KIF6: variants seen among roughly 807,000 people sequenced by gnomAD.
KIF6 encodes the protein kinesin family member 6, also known as kinesin-like protein KIF6.
KIF6 carries 106 observed loss-of-function variants against 112.7 expected under a neutral mutation model. The ratio of observed to expected loss-of-function variants is 0.94; its 90% CI spans 0.80 to 1.11. KIF6 has a LOEUF of 1.11. Among genes scored for constraint, KIF6 ranks in the 50% least tolerant of loss-of-function variants. The probability of loss-of-function intolerance (pLI) is 0.00; values close to 1 mark genes in which losing one functional copy is unlikely to be tolerated. For synonymous variants in KIF6, 339 were observed against 339.9 expected (o/e 1.00, Z 0.03); for missense variants, 929 against 964.0 (o/e 0.96, Z 0.48).
chr6:39,663,322 A>G (rs1403429978), intron 3 of KIF6, among the ~76,000 whole-genome samples: 1 of 152,234 alleles, frequency 6.6e-6, no homozygotes, highest in South Asian at 2.1e-4. Context: ...AACTATAAGT[A>G]TAGGACTATA....
intron 5 of KIF6, among the ~76,000 whole-genome samples, chr6:39,633,322 C>A (rs1239219354): frequency 6.6e-6 from 1 of 151,954 alleles, no homozygotes; most frequent in Non-Finnish European, 1.5e-5. Flanking sequence ...TCCATTGAAC[C>A]CTTAAGAGAG....
At chr6:39,700,371 TTCG>T (rs1788812346) in intron 3 of KIF6, among the ~76,000 whole-genome samples, 1 of 152,252 alleles carries the variant, frequency 6.6e-6, no homozygotes, top group African/African-American at 2.4e-5. Flanking sequence ...TGTAAATTAC[TTCG>T]AAATGTAAGT....
At chr6:39,658,085 C>G (rs934652236) in intron 3 of KIF6, among the ~76,000 whole-genome samples, 1 of 152,154 alleles carries the variant, frequency 6.6e-6, no homozygotes, top group Non-Finnish European at 1.5e-5. Context: ...GAAGTTATGG[C>G]TCTCATAATA....
chr6:39,455,684 T>A (rs1183407983), intron 13 of KIF6, among the ~76,000 whole-genome samples: 4 of 150,282 alleles, frequency 2.7e-5, no homozygotes, highest in Admixed American at 2.0e-4. Context: ...AAGGAGCTGA[T>A]GGAGCTGAAA....
chr6:39,516,068 TAG>T (rs1777068302), intron 13 of KIF6, among the ~76,000 whole-genome samples: 1 of 152,176 alleles, frequency 6.6e-6, no homozygotes, highest in African/African-American at 2.4e-5. Context: ...ATTTTTAAAT[TAG>T]AGATACTCAA....
intron 3 of KIF6, among the ~76,000 whole-genome samples, chr6:39,705,848 TTCCTTCGC>T: frequency 6.6e-6 from 1 of 152,266 alleles, no homozygotes; most frequent in Middle Eastern, 3.4e-3. Context: ...CTACCTTCCT[TTCCTTCGC>T]TTTCTCACTT....
intron 6 of KIF6, among the ~76,000 whole-genome samples, chr6:39,611,510 G>A (rs1359304155): frequency 1.3e-5 from 2 of 152,150 alleles, no homozygotes; most frequent in Admixed American, 1.3e-4. Context: ...AACAGGTTAA[G>A]GGCCTTTCCA....
intron 3 of KIF6, among the ~76,000 whole-genome samples, chr6:39,640,890 GTGT>G (rs1784865750): frequency 6.6e-6 from 1 of 152,138 alleles, no homozygotes; most frequent in Admixed American, 6.6e-5. Flanking sequence ...TAGGTAGAAA[GTGT>G]TGTTGGTGCT....
intron 15 of KIF6, among the ~76,000 whole-genome samples, chr6:39,389,403 T>C (rs1176666749): frequency 6.6e-6 from 1 of 152,174 alleles, no homozygotes; most frequent in African/African-American, 2.4e-5. Context: ...AACATGTTTA[T>C]GTTGCTATCA....
At chr6:39,588,758 T>C (rs1433349533) in intron 7 of KIF6, among the ~76,000 whole-genome samples, 1 of 152,156 alleles carries the variant, frequency 6.6e-6, no homozygotes, top group East Asian at 1.9e-4. Flanking sequence ...CCTTGATTTG[T>C]CTTCATCCCC....
chr6:39,525,058 A>T (rs757834484), intron 13 of KIF6, among the ~76,000 whole-genome samples: 1 of 152,208 alleles, frequency 6.6e-6, no homozygotes, highest in Non-Finnish European at 1.5e-5. Flanking sequence ...TCTGTTGCCT[A>T]CAAGTAAATC....
At chr6:39,461,303 T>C (rs188315276) in intron 13 of KIF6, among the ~76,000 whole-genome samples, 5 of 152,178 alleles carry the variant, frequency 3.3e-5, no homozygotes, top group African/African-American at 1.2e-4. Context: ...AGGAGAAGTG[T>C]TCTTCATCAG....
intron 3 of KIF6, among the ~76,000 whole-genome samples, chr6:39,703,694 C>A (rs1056059723): frequency 2.0e-5 from 3 of 152,138 alleles, no homozygotes; most frequent in Non-Finnish European, 4.4e-5. Flanking sequence ...AGTAAAGGAA[C>A]TTTTAAATGA....
At chr6:39,394,752 T>G (rs1265635532) in intron 15 of KIF6, among the ~76,000 whole-genome samples, 1 of 152,250 alleles carries the variant, frequency 6.6e-6, no homozygotes, top group African/African-American at 2.4e-5. Flanking sequence ...GACATTTCAT[T>G]TCTCCAGAAT....
Position 39,330,753 on chromosome 6 carries a change from C to T in KIF6, c.*5779G>A, listed in dbSNP as rs1040259614. Reference sequence around the variant, plus strand: ...AACTCTGAAAAGGTTGCTGCTTCCTCCTATTCCTTGGGAGATGCATTCAGG... The same window carrying T: ...AACTCTGAAAAGGTTGCTGCTTCCTTCTATTCCTTGGGAGATGCATTCAGG... On this transcript the variant is annotated 3_prime_UTR_variant, in exon 23 of 23. Coordinates refer to ENST00000287152, the MANE Select transcript of KIF6 (RefSeq NM_145027.6). 1 of 152,232 alleles carries T rather than the reference C, an allele frequency of 6.6e-6. No individual in the cohort carries two copies. Among genetic ancestry groups the T allele is most frequent in the African/African-American group, 2.4e-5 (1 of 41,448 alleles). The allele number at this position is 152,232 out of a possible 1,614,324, so 9.4% of individuals were successfully genotyped here. A position where few individuals can be genotyped will look rare whatever the true frequency, so the allele number is the denominator to read the frequency against.
At chr6:39,535,090 AC>A (rs1778336023) in intron 13 of KIF6, among the ~76,000 whole-genome samples, 1 of 152,254 alleles carries the variant, frequency 6.6e-6, no homozygotes, top group Non-Finnish European at 1.5e-5. Flanking sequence ...AACAACTGGT[AC>A]CAGCCACTGC....
intron 22 of KIF6, among the ~76,000 whole-genome samples, chr6:39,340,117 G>A (rs570765340): frequency 6.6e-6 from 1 of 152,204 alleles, no homozygotes; most frequent in Non-Finnish European, 1.5e-5. Flanking sequence ...ATGTCTGAGA[G>A]GTCACGCCTG....
chr6:39,505,630 A>G (rs1398289756), intron 13 of KIF6, among the ~76,000 whole-genome samples: 2 of 152,254 alleles, frequency 1.3e-5, no homozygotes, highest in Admixed American at 1.3e-4. Context: ...TTCAGCATCT[A>G]CAAGGAACTT....
At chr6:39,583,820 T>C (rs1252901902) in intron 9 of KIF6, among the ~76,000 whole-genome samples, 1 of 151,710 alleles carries the variant, frequency 6.6e-6, no homozygotes. Context: ...ACAATTGAGA[T>C]AGTTTAACAT....
Sources: gnomAD v4.1 joint callset for allele counts (sites outside exome capture counted in the v4.1 genomes callset) on GRCh38, gnomAD v4.1.1 for gene constraint, MANE v1.5 for transcripts, NCBI Gene and HGNC (gene_info 2026-07-23, HGNC 2026-07-21) for gene names.